SLC4A4: variants seen among roughly 807,000 people sequenced by gnomAD.
The protein encoded by SLC4A4 is solute carrier family 4 member 4, also known as electrogenic sodium bicarbonate cotransporter 1.
In SLC4A4, 27 loss-of-function variants were observed where a neutral mutation model predicts 111.5. The ratio of observed to expected loss-of-function variants is 0.24; its 90% confidence interval spans 0.18 to 0.33. The LOEUF (loss-of-function observed/expected upper bound fraction) is 0.33, where lower values mean the gene tolerates loss of function less well. Among genes scored for constraint, SLC4A4 ranks in the 10% least tolerant of loss-of-function variants. SLC4A4 has a pLI of 1.00. For missense variants in SLC4A4, 909 were observed against 1,315.5 expected (o/e 0.69, Z 4.78); for synonymous variants, 443 against 463.4 (o/e 0.96, Z 0.57).
At chr4:71,170,627 T>C (rs964312106) in intron 2 of SLC4A4, among the ~76,000 whole-genome samples, 6 of 152,226 alleles carry the variant, frequency 3.9e-5, no homozygotes, top group African/African-American at 1.4e-4. Context: ...GCCTACTATA[T>C]GCATAGGACT....
chr4:71,093,083 A>G (rs2148941949), intron 2 of SLC4A4, among the ~76,000 whole-genome samples: 1 of 151,724 alleles, frequency 6.6e-6, no homozygotes, highest in South Asian at 2.1e-4. Flanking sequence ...TAACAGAGTG[A>G]GACTTTGTCT....
chr4:71,073,654 C>T (rs1474039867), intron 1 of SLC4A4, among the ~76,000 whole-genome samples: 1 of 152,026 alleles, frequency 6.6e-6, no homozygotes, highest in African/African-American at 2.4e-5. Context: ...TGTTTCCCTC[C>T]ACTGGAATGT....
chr4:71,327,178 C>G (rs1312080320), intron 3 of SLC4A4, among the ~76,000 whole-genome samples: 1 of 151,924 alleles, frequency 6.6e-6, no homozygotes, highest in Non-Finnish European at 1.5e-5. Context: ...GCTTCCTATA[C>G]CAAAACCAAA....
rs188531845 is a variant in SLC4A4, at chr4:71,295,727, C to T, written c.253+40328C>T. ...AGGCTGGAGTGCAATGGTGTGATCT[C>T]GGTTCACTGTAACCTCTGCCTTCTG... On this transcript the variant is annotated intron_variant, in intron 3 of 25. Coordinates refer to ENST00000264485, the MANE Select transcript of SLC4A4 (RefSeq NM_001098484.3). 1.5e-3 allele frequency among the ~76,000 whole-genome samples: 226 copies of T among 151,350 alleles called. 1 individual carries two copies. The highest frequency in any genetic ancestry group is 3.7e-3 in the African/African-American group (151 of 41,218).
intron 11 of SLC4A4, among the ~76,000 whole-genome samples, chr4:71,453,212 G>T (rs73828152): frequency 1.3e-5 from 2 of 152,080 alleles, no homozygotes; most frequent in African/African-American, 4.8e-5. Flanking sequence ...TTTTCTCTAG[G>T]CAATGAAACA....
At chr4:71,490,213 GT>G (rs1729774549) in intron 15 of SLC4A4, among the ~76,000 whole-genome samples, 1 of 151,882 alleles carries the variant, frequency 6.6e-6, no homozygotes, top group African/African-American at 2.4e-5. Flanking sequence ...ATTAATACCT[GT>G]TGGCTTGCAG....
At chr4:71,440,226 A>T (rs1056577942) in intron 7 of SLC4A4, among the ~76,000 whole-genome samples, 23 of 152,170 alleles carry the variant, frequency 1.5e-4, no homozygotes, top group African/African-American at 5.5e-4. Context: ...TATGAGTCTA[A>T]AGAGGGCATG....
chr4:71,454,964 T>C (rs1010855987), intron 12 of SLC4A4, among the ~76,000 whole-genome samples: 5 of 152,086 alleles, frequency 3.3e-5, no homozygotes, highest in African/African-American at 1.2e-4. Context: ...TCCAGAATAT[T>C]TGGGGTCTGG....
intron 1 of SLC4A4, among the ~76,000 whole-genome samples, chr4:71,084,674 G>C (rs916921711): frequency 5.9e-5 from 9 of 151,930 alleles, no homozygotes; most frequent in Non-Finnish European, 1.0e-4. Context: ...TTGTCCTTGC[G>C]ATAGTTTGCT....
chr4:71,332,681 C>T (rs1396775567), intron 3 of SLC4A4, among the ~76,000 whole-genome samples: 1 of 152,164 alleles, frequency 6.6e-6, no homozygotes, highest in East Asian at 1.9e-4. Context: ...ATCCGCCCGC[C>T]TCGGCCTCCC....
chr4:71,177,339 A>C (rs1047081972), intron 2 of SLC4A4, among the ~76,000 whole-genome samples: 1 of 152,200 alleles, frequency 6.6e-6, no homozygotes, highest in East Asian at 1.9e-4. Flanking sequence ...TATTAACCTT[A>C]AATGTAAATG....
chr4:71,169,263 G>A (rs910660382), intron 2 of SLC4A4, among the ~76,000 whole-genome samples: 1 of 151,766 alleles, frequency 6.6e-6, no homozygotes, highest in African/African-American at 2.4e-5. Context: ...TGATCCACCT[G>A]CCTTGGCCTC....
chr4:71,261,700 T>A (rs1450535168), intron 3 of SLC4A4, among the ~76,000 whole-genome samples: 1 of 152,220 alleles, frequency 6.6e-6, no homozygotes, highest in Non-Finnish European at 1.5e-5. Context: ...CACCTTGAAG[T>A]GCCCTTCAAA....
At chr4:71,182,537 T>G (rs1285025764), upstream of SLC4A4, among the ~76,000 whole-genome samples, 1 of 151,944 alleles carries the variant, frequency 6.6e-6, no homozygotes, top group Non-Finnish European at 1.5e-5. Context: ...CTCCAAGCAA[T>G]GGAACAGCTG....
At chr4:71,543,810 T>A (rs1441699545) in intron 18 of SLC4A4, among the ~76,000 whole-genome samples, 1 of 152,086 alleles carries the variant, frequency 6.6e-6, no homozygotes, top group African/African-American at 2.4e-5. Context: ...AAAGAGGGCA[T>A]AAAAATTCTG....
intron 16 of SLC4A4, among the ~76,000 whole-genome samples, chr4:71,506,203 T>A (rs754431458): frequency 1.3e-4 from 20 of 152,166 alleles, no homozygotes; most frequent in Non-Finnish European, 2.5e-4. Context: ...TTAAAATAGT[T>A]TTTTCTAATT....
intron 16 of SLC4A4, among the ~76,000 whole-genome samples, chr4:71,505,814 A>G (rs951266133): frequency 6.6e-6 from 1 of 151,802 alleles, no homozygotes; most frequent in African/African-American, 2.4e-5. Flanking sequence ...TAGGGTTTTT[A>G]TGGTTTGGGG....
intron 3 of SLC4A4, among the ~76,000 whole-genome samples, chr4:71,268,075 G>GT (rs10657146): frequency 0.033 from 2,887 of 87,466 alleles, 202 homozygotes; most frequent in African/African-American, 0.066. Flanking sequence ...ATAAAGTAGT[G>GT]TTTTTTTTTT....
At chr4:71,222,011 G>T (rs892791666) in intron 1 of SLC4A4, among the ~76,000 whole-genome samples, 6 of 152,156 alleles carry the variant, frequency 3.9e-5, no homozygotes, top group African/African-American at 1.4e-4. Flanking sequence ...GCACCTTAAT[G>T]GAAATGTTTA....
Sources: gnomAD v4.1 joint callset for allele counts (sites outside exome capture counted in the v4.1 genomes callset) on GRCh38, gnomAD v4.1.1 for gene constraint, MANE v1.5 for transcripts, NCBI Gene and HGNC (gene_info 2026-07-23, HGNC 2026-07-21) for gene names.